The following RBFOX1 variants were observed in gnomAD, a reference collection of about 807,000 sequenced individuals.
The protein encoded by RBFOX1 is RNA binding protein fox-1 homolog 1.
Under a neutral mutation model 57.7 loss-of-function variants are expected in RBFOX1, and 8 were observed. The observed-to-expected ratio is 0.14, with a 90% CI of 0.08 to 0.25. RBFOX1 has a LOEUF of 0.25. Among genes scored for constraint, RBFOX1 ranks in the 10% least tolerant of loss-of-function variants. The probability of loss-of-function intolerance (pLI) is 1.00; values close to 1 mark genes in which losing one functional copy is unlikely to be tolerated. For synonymous variants in RBFOX1, 326 were observed against 222.4 expected (o/e 1.47, Z -4.15); for missense variants, 611 against 548.5 (o/e 1.11, Z -1.14).
intron 3 of RBFOX1, among the ~76,000 whole-genome samples, chr16:5,796,217 C>G (rs1358038307): frequency 6.6e-6 from 1 of 152,170 alleles, no homozygotes; most frequent in Non-Finnish European, 1.5e-5. Flanking sequence ...AGGCTGGGTT[C>G]TGAAATGCAC....
chr16:7,201,890 G>C (rs1482824597), intron 4 of RBFOX1, among the ~76,000 whole-genome samples: 1 of 152,190 alleles, frequency 6.6e-6, no homozygotes, highest in Non-Finnish European at 1.5e-5. Flanking sequence ...TGGTGGGGTA[G>C]ACTTAGATGG....
chr16:6,740,170 A>T (rs931725982), intron 3 of RBFOX1, among the ~76,000 whole-genome samples: 1 of 152,214 alleles, frequency 6.6e-6, no homozygotes, highest in African/African-American at 2.4e-5. Flanking sequence ...GAAAAATCAC[A>T]TGCTCACATT....
At chr16:6,983,086 C>T in intron 3 of RBFOX1, among the ~76,000 whole-genome samples, 1 of 149,564 alleles carries the variant, frequency 6.7e-6, no homozygotes, top group Non-Finnish European at 1.5e-5. Context: ...GGGGAGTGGC[C>T]ATGCTGAGAC....
At chr16:7,185,658 C>T (rs184786272) in intron 4 of RBFOX1, among the ~76,000 whole-genome samples, 3 of 152,278 alleles carry the variant, frequency 2.0e-5, no homozygotes, top group African/African-American at 4.8e-5. Context: ...ATTTAGTTTG[C>T]GGAGATAGGC....
At chr16:6,795,183 C>G (rs909013595) in intron 3 of RBFOX1, among the ~76,000 whole-genome samples, 2 of 152,090 alleles carry the variant, frequency 1.3e-5, no homozygotes, top group African/African-American at 4.8e-5. Context: ...AGTGCTAATT[C>G]CAAGCTGGGT....
intron 2 of RBFOX1, among the ~76,000 whole-genome samples, chr16:6,431,896 GCTTTCTTTCTTTCTTTCTTTCTTTCTTT>G (rs869041704): frequency 2.7e-4 from 35 of 128,198 alleles, no homozygotes; most frequent in African/African-American, 3.7e-4. Flanking sequence ...TTGCTTGCTT[GCTTTCTTTCTTTCTTTCTTTCTTTCTTT>G]CTTTCTTTCT....
At chr16:6,819,038 C>A (rs991198902) in intron 3 of RBFOX1, among the ~76,000 whole-genome samples, 2 of 152,130 alleles carry the variant, frequency 1.3e-5, no homozygotes, top group African/African-American at 4.8e-5. Flanking sequence ...GATGGACTAT[C>A]AACGGCATTG....
intron 4 of RBFOX1, among the ~76,000 whole-genome samples, chr16:7,331,673 G>A (rs1002161253): frequency 2.0e-5 from 3 of 152,156 alleles, no homozygotes; most frequent in Admixed American, 6.6e-5. Context: ...GCCTTTTGAA[G>A]TAGGGACTAT....
At chr16:6,860,505 T>C (rs1024669224) in intron 3 of RBFOX1, among the ~76,000 whole-genome samples, 1 of 152,192 alleles carries the variant, frequency 6.6e-6, no homozygotes, top group Non-Finnish European at 1.5e-5. Flanking sequence ...GCGCTCACTT[T>C]AGTAACATCA....
chr16:7,168,414 A>T (rs532331490), intron 4 of RBFOX1, among the ~76,000 whole-genome samples: 1 of 151,758 alleles, frequency 6.6e-6, no homozygotes, highest in Non-Finnish European at 1.5e-5. Context: ...CAACAGCCAC[A>T]TTGTCCACCA....
At chr16:6,299,968 C>T (rs1382833095) in intron 1 of RBFOX1, among the ~76,000 whole-genome samples, 1 of 152,212 alleles carries the variant, frequency 6.6e-6, no homozygotes, top group Non-Finnish European at 1.5e-5. Context: ...CTAACAAAAG[C>T]ACCTACCTAA....
intron 11 of RBFOX1, among the ~76,000 whole-genome samples, chr16:7,641,369 A>G (rs1051537465): frequency 1.3e-5 from 2 of 152,184 alleles, no homozygotes; most frequent in African/African-American, 4.8e-5. Context: ...TTCAAACACC[A>G]TTTTCTTAAA....
chr16:5,921,942 A>C (rs904868407), intron 4 of RBFOX1, among the ~76,000 whole-genome samples: 9 of 151,972 alleles, frequency 5.9e-5, no homozygotes, highest in African/African-American at 2.2e-4. Context: ...GCTTGAGGCT[A>C]GGAGTTTGCG....
chr16:7,265,811 A>G (rs1044428358), intron 4 of RBFOX1, among the ~76,000 whole-genome samples: 7 of 151,904 alleles, frequency 4.6e-5, no homozygotes, highest in African/African-American at 1.7e-4. Flanking sequence ...TATAGTTTGG[A>G]TATTTGTCCC....
At chr16:7,561,305 C>G (rs1281704431) in intron 5 of RBFOX1, among the ~76,000 whole-genome samples, 1 of 152,112 alleles carries the variant, frequency 6.6e-6, no homozygotes, top group Non-Finnish European at 1.5e-5. Context: ...CTTATGATGC[C>G]CAACTATTCA....
At chr16:5,814,922 C>G (rs578231918) in intron 3 of RBFOX1, among the ~76,000 whole-genome samples, 4 of 151,136 alleles carry the variant, frequency 2.6e-5, no homozygotes, top group Admixed American at 2.0e-4. Flanking sequence ...GGCGACAGAG[C>G]GAGACTCCGT....
intron 3 of RBFOX1, among the ~76,000 whole-genome samples, chr16:5,716,145 T>G (rs1287597423): frequency 2.0e-5 from 3 of 152,246 alleles, no homozygotes; most frequent in Non-Finnish European, 4.4e-5. Flanking sequence ...AAATTTCACG[T>G]AAACCTTTGG....
chr16:5,274,645 A>G (rs552844594), intron 1 of RBFOX1, among the ~76,000 whole-genome samples: 1 of 152,290 alleles, frequency 6.6e-6, no homozygotes, highest in African/African-American at 2.4e-5. Context: ...TATTGGCAAG[A>G]CTGAGGAAAT....
chr16:7,274,774 T>A (rs948394129), intron 4 of RBFOX1, among the ~76,000 whole-genome samples: 2 of 152,138 alleles, frequency 1.3e-5, no homozygotes. Flanking sequence ...AATCTCTGCC[T>A]TCCAGGTTCC....
Sources: allele counts gnomAD v4.1 joint callset (sites outside exome capture counted in the v4.1 genomes callset), GRCh38; gene constraint gnomAD v4.1.1; transcripts MANE v1.5; gene names NCBI Gene and HGNC (gene_info 2026-07-23, HGNC 2026-07-21).